The following SHPK variants were observed in gnomAD, a reference collection of about 807,000 sequenced individuals.
SHPK encodes the protein carbohydrate kinase-like protein.
A neutral mutation model predicts 46.3 loss-of-function variants in SHPK; 51 were observed. The observed-to-expected ratio is 1.10, with a 90% CI of 0.88 to 1.39. The LOEUF (loss-of-function observed/expected upper bound fraction) is 1.39, where lower values mean the gene tolerates loss of function less well. SHPK is among the 40% of genes most tolerant of loss of function. The pLI is 0.00. For missense variants in SHPK, 668 were observed against 641.3 expected, an observed-to-expected ratio of 1.04 and a Z score of -0.45; for synonymous variants, 290 against 273.9, an observed-to-expected ratio of 1.06 and a Z score of -0.58.
chr17:3,634,240 C>A (rs532255511), intron 1 of SHPK, among the ~76,000 whole-genome samples: 2 of 146,614 alleles, frequency 1.4e-5, no homozygotes, highest in Non-Finnish European at 3.0e-5. Context: ...TCCCCCTCTG[C>A]GAGAAACACC....
At chr17:3,619,222 G>T (rs117899734) in intron 5 of SHPK, 271 of 581,416 alleles carry the variant, frequency 4.7e-4, no homozygotes, top group Non-Finnish European at 7.5e-4. Context: ...GCTAAGATGT[G>T]TGTAAGATTT....
chr17:3,623,526 A>G, intron 3 of SHPK, 35 bp from the exon 4 acceptor site: 1 of 1,610,536 alleles, frequency 6.2e-7, no homozygotes. Context: ...AACACGGTAT[A>G]ACATGAACTC....
intron 6 of SHPK, among the ~76,000 whole-genome samples, chr17:3,612,101 G>A (rs1597566040): frequency 2.0e-5 from 3 of 150,322 alleles, no homozygotes; most frequent in East Asian, 2.0e-4. Flanking sequence ...ACCATGCCCC[G>A]CCAGCTCTGC....
chr17:3,616,802 G>A (rs764361525), intron 5 of SHPK, among the ~76,000 whole-genome samples: 14 of 152,270 alleles, frequency 9.2e-5, no homozygotes, highest in Non-Finnish European at 1.8e-4. Context: ...GCAATGGCGC[G>A]ATCTTCGCTC....
chr17:3,616,676 C>T (rs909444145), intron 5 of SHPK, among the ~76,000 whole-genome samples: 2 of 152,216 alleles, frequency 1.3e-5, no homozygotes, highest in African/African-American at 4.8e-5. Context: ...GAGGAGGTTT[C>T]ATTCATTGGC....
intron 6 of SHPK, among the ~76,000 whole-genome samples, chr17:3,611,665 C>T (rs1280915250): frequency 6.6e-6 from 1 of 152,082 alleles, no homozygotes; most frequent in East Asian, 1.9e-4. Context: ...CTGAATGGGC[C>T]ACCCTCGTTA....
chr17:3,622,358 T>C (rs544265502), intron 4 of SHPK, among the ~76,000 whole-genome samples: 1 of 152,282 alleles, frequency 6.6e-6, no homozygotes, highest in Non-Finnish European at 1.5e-5. Context: ...CAGCCTCCCA[T>C]GTTTGAAGGG....
chr17:3,619,528 A>T, intron 5 of SHPK: 1 of 557,544 alleles, frequency 1.8e-6, no homozygotes, highest in Non-Finnish European at 3.2e-6. Flanking sequence ...AGGTGAAGAG[A>T]TTGAGACCAT....
At chr17:3,627,115 C>A (rs1325679244) in intron 2 of SHPK, among the ~76,000 whole-genome samples, 1 of 152,094 alleles carries the variant, frequency 6.6e-6, no homozygotes, top group Non-Finnish European at 1.5e-5. Flanking sequence ...GTATCCTTCA[C>A]CCGTTTTTCC....
chr17:3,636,041 G>A lies in SHPK; in HGVS notation c.168+11C>T. 1.9e-6 allele frequency: 3 copies of A among 1,542,666 alleles called. No homozygotes were observed. Among genetic ancestry groups the A allele is most frequent in the Non-Finnish European group, 1.7e-6 (2 of 1,147,974 alleles). ...TCCTGGAGGCGGCGCGGCCCCGGGG[G>A]TCCAACTCACCTGGGGCCCGGCCAC... On this transcript the variant is annotated intron_variant, in intron 1 of 6. Coordinates refer to ENST00000225519, the MANE Select transcript of SHPK (RefSeq NM_013276.4).
rs571001196 is a variant in SHPK, at chr17:3,611,895, C to G, written c.1025-923G>C. Among the ~76,000 whole-genome samples, 142 of 150,864 alleles carry G rather than the reference C, an allele frequency of 9.4e-4. 2 individuals are homozygous for G. Among genetic ancestry groups the G allele is most frequent in the Middle Eastern group, 3.4e-3 (1 of 292 alleles). On this transcript the variant is annotated intron_variant, in intron 6 of 6. Coordinates refer to ENST00000225519, the MANE Select transcript of SHPK (RefSeq NM_013276.4). ...ATCGGCTCACTATAACCTCTGCCTC[C>G]CGGGTTCCAGCGATTCTCCTGCCTC...
chr17:3,630,470 G>C, intron 1 of SHPK, 124 bp from the exon 2 acceptor site: 2 of 993,788 alleles, frequency 2.0e-6, no homozygotes, highest in Non-Finnish European at 2.9e-6. Context: ...CTTCACAGTT[G>C]AGGCACTGCT....
At chr17:3,625,842 G>A (rs542704226) in intron 2 of SHPK, among the ~76,000 whole-genome samples, 1 of 152,098 alleles carries the variant, frequency 6.6e-6, no homozygotes, top group Non-Finnish European at 1.5e-5. Flanking sequence ...CACCTGAGGT[G>A]AGGAGTTCGA....
chr17:3,624,750 T>A (rs222786), intron 2 of SHPK, among the ~76,000 whole-genome samples: 14,479 of 152,068 alleles, frequency 0.095, 898 homozygotes, highest in South Asian at 0.24. Context: ...ATCTCCCAGG[T>A]TCAAGCGATT....
intron 1 of SHPK, among the ~76,000 whole-genome samples, chr17:3,633,826 A>C (rs1039255591): frequency 6.6e-6 from 1 of 152,148 alleles, no homozygotes; most frequent in African/African-American, 2.4e-5. Context: ...GGAATAGAAA[A>C]GGGGGAAAGG....
chr17:3,615,156 CAAG>C lies in SHPK; in HGVS notation c.1024+178_1024+180del, dbSNP rs1241126652. Among the ~76,000 whole-genome samples the C allele has an allele frequency of 1.6e-4, 25 of 152,174 alleles. No individual in the cohort carries two copies. In the East Asian group the frequency reaches 4.8e-3, roughly 29 times the overall value. On this transcript the variant is annotated intron_variant, in intron 6 of 6. Transcript: ENST00000225519. ...GAGTAGGTGATGGCAGCTTGGAGGA[CAAG>C]AAGAAAAGAGGCTGCAAGCTCAGAT... is the stretch of plus-strand genomic sequence containing the variant.
chr17:3,634,765 C>T lies in SHPK; in HGVS notation c.168+1287G>A, dbSNP rs189328172. Among the ~76,000 whole-genome samples, 5 of 152,122 alleles carry T rather than the reference C, an allele frequency of 3.3e-5. No homozygotes were observed. In the East Asian group the frequency reaches 9.7e-4, roughly 29 times the overall value. On this transcript the variant is annotated intron_variant, in intron 1 of 6. Transcript: ENST00000225519. The stretch of plus-strand genomic sequence containing the variant: ...GTCCCAACCAAACTAATCTTGAAAG[C>T]TTCTATGTAGATACAAAGTGCTCCT...
intron 1 of SHPK, among the ~76,000 whole-genome samples, chr17:3,631,613 C>T (rs1392607133): frequency 7.0e-6 from 1 of 143,884 alleles, no homozygotes; most frequent in Non-Finnish European, 1.5e-5. Flanking sequence ...ACCTCTGCCT[C>T]CCAGGTTCAA....
chr17:3,625,845 G>T (rs938347558), intron 2 of SHPK, among the ~76,000 whole-genome samples: 1 of 152,184 alleles, frequency 6.6e-6, no homozygotes, highest in East Asian at 1.9e-4. Flanking sequence ...CTGAGGTGAG[G>T]AGTTCGAGAC....
Sources: gnomAD v4.1 joint callset for allele counts (sites outside exome capture counted in the v4.1 genomes callset) on GRCh38, gnomAD v4.1.1 for gene constraint, MANE v1.5 for transcripts, NCBI Gene and HGNC (gene_info 2026-07-23, HGNC 2026-07-21) for gene names.